The following TASP1 variants were observed in gnomAD, a reference collection of about 807,000 sequenced individuals.
TASP1 encodes the protein threonine aspartase 1.
Under a neutral mutation model 56.6 loss-of-function variants are expected in TASP1, and 16 were observed. That is an observed-to-expected ratio of 0.28 (90% CI 0.19 to 0.43). The LOEUF (loss-of-function observed/expected upper bound fraction) is 0.43. TASP1 is among the 20% of genes least tolerant of loss of function. The pLI is 1.00. For synonymous variants in TASP1, 179 were observed against 184.2 expected, an observed-to-expected ratio of 0.97 and a Z score of 0.23; for missense variants, 393 against 511.6, an observed-to-expected ratio of 0.77 and a Z score of 2.24.
the TASP1 span, among the ~76,000 whole-genome samples, chr20:13,113,893 C>T: frequency 6.6e-6 from 1 of 152,218 alleles, no homozygotes; most frequent in Non-Finnish European, 1.5e-5. Context: ...CTCACACTGA[C>T]CATGTGTCTA....
the TASP1 span, among the ~76,000 whole-genome samples, chr20:13,303,800 G>A: frequency 3.9e-5 from 6 of 152,300 alleles, no homozygotes; most frequent in South Asian, 2.1e-4. Context: ...GGAGATAGTG[G>A]ATAAGTAAAT....
chr20:13,279,883 G>A, the TASP1 span: 2 of 1,613,934 alleles, frequency 1.2e-6, no homozygotes, highest in Non-Finnish European at 1.7e-6. Flanking sequence ...TGAAACCAAA[G>A]ATCAGCCAGA....
At chr20:13,126,511 G>C in the TASP1 span, 6 of 1,533,534 alleles carry the variant, frequency 3.9e-6, no homozygotes, top group Non-Finnish European at 5.3e-6. Context: ...TATGAGGATA[G>C]GGATGGGACT....
chr20:13,373,895 C>T, the TASP1 span, among the ~76,000 whole-genome samples: 84 of 152,076 alleles, frequency 5.5e-4, no homozygotes, highest in African/African-American at 1.9e-3. Context: ...AGTTTATTTA[C>T]GGGTGTTCCA....
At chr20:13,212,473 C>T in the TASP1 span, among the ~76,000 whole-genome samples, 39 of 152,118 alleles carry the variant, frequency 2.6e-4, no homozygotes, top group South Asian at 2.1e-4. Context: ...TATTACCATG[C>T]CTGATATTAC....
chr20:13,250,581 G>C, the TASP1 span, among the ~76,000 whole-genome samples: 10 of 152,224 alleles, frequency 6.6e-5, no homozygotes, highest in East Asian at 1.7e-3. Flanking sequence ...CTGGTGCCTG[G>C]ACCCTTCCCC....
At chr20:13,156,118 A>G in the TASP1 span, among the ~76,000 whole-genome samples, 1 of 152,200 alleles carries the variant, frequency 6.6e-6, no homozygotes. Flanking sequence ...TGGGGAAATG[A>G]TGTGTGTTGG....
chr20:13,207,641 G>T, the TASP1 span, among the ~76,000 whole-genome samples: 2 of 152,158 alleles, frequency 1.3e-5, no homozygotes, highest in Non-Finnish European at 2.9e-5. Context: ...AATCAATCAG[G>T]CAGAGAGAGC....
chr20:13,544,879 TA>T (rs1384569439), intron 8 of TASP1, among the ~76,000 whole-genome samples: 1 of 152,188 alleles, frequency 6.6e-6, no homozygotes, highest in East Asian at 1.9e-4. Context: ...GACTGGAAGG[TA>T]ACATGGACAA....
the TASP1 span, among the ~76,000 whole-genome samples, chr20:13,136,196 G>T: frequency 6.6e-6 from 1 of 152,086 alleles, no homozygotes; most frequent in Non-Finnish European, 1.5e-5. Flanking sequence ...CAGGGGAGGG[G>T]ACAATGTGTC....
At chr20:13,405,729 T>TG (rs1389546689) in intron 13 of TASP1, among the ~76,000 whole-genome samples, 3 of 149,582 alleles carry the variant, frequency 2.0e-5, no homozygotes, top group Non-Finnish European at 4.4e-5. Context: ...TTTTTTTTTT[T>TG]GTATTTTTAG....
the TASP1 span, among the ~76,000 whole-genome samples, chr20:13,313,798 T>A: frequency 1.2e-4 from 19 of 152,178 alleles, no homozygotes; most frequent in Non-Finnish European, 2.2e-4. Flanking sequence ...AGAGCCAGAC[T>A]CAGATATGGC....
the TASP1 span, among the ~76,000 whole-genome samples, chr20:13,135,807 A>G: frequency 6.6e-6 from 1 of 152,242 alleles, no homozygotes; most frequent in African/African-American, 2.4e-5. Context: ...TGGCTATAAG[A>G]AAAATCATAA....
At chr20:13,168,346 G>C in the TASP1 span, 1 of 152,048 alleles carries the variant, frequency 6.6e-6, no homozygotes, top group African/African-American at 2.4e-5. Context: ...ACCAAGCATG[G>C]CTAATTTTCT....
chr20:13,532,862 T>C (rs142025313), intron 9 of TASP1, among the ~76,000 whole-genome samples: 1,693 of 152,266 alleles, frequency 0.011, 41 homozygotes, highest in African/African-American at 0.038. Context: ...TATTGCAAAC[T>C]TGACAAATAC....
At chr20:13,121,125 T>C in the TASP1 span, among the ~76,000 whole-genome samples, 2 of 152,156 alleles carry the variant, frequency 1.3e-5, no homozygotes, top group African/African-American at 2.4e-5. Flanking sequence ...GACCCCAAAC[T>C]TTTCCCCAGG....
At chr20:13,239,833 A>G in the TASP1 span, among the ~76,000 whole-genome samples, 9 of 152,366 alleles carry the variant, frequency 5.9e-5, no homozygotes, top group South Asian at 1.4e-3. Flanking sequence ...CCATTCATTT[A>G]TCCTACAGCC....
intron 12 of TASP1, 70 bp from the exon 13 acceptor site, chr20:13,417,591 A>G: frequency 6.5e-7 from 1 of 1,545,070 alleles, no homozygotes; most frequent in Non-Finnish European, 8.9e-7. Flanking sequence ...GCTTTTTAAT[A>G]GAACAGTTAA....
chr20:13,157,209 A>G, the TASP1 span, among the ~76,000 whole-genome samples: 12 of 151,982 alleles, frequency 7.9e-5, no homozygotes, highest in African/African-American at 2.7e-4. Context: ...AGGCTGAGGC[A>G]GATGGATCAC....
Sources: allele counts gnomAD v4.1 joint callset (sites outside exome capture counted in the v4.1 genomes callset), GRCh38; gene constraint gnomAD v4.1.1; transcripts MANE v1.5; gene names NCBI Gene and HGNC (gene_info 2026-07-23, HGNC 2026-07-21).